Variants in ZNF8 observed in about 807,000 individuals in gnomAD.
ZNF8 encodes zinc finger protein 272.
Under a neutral mutation model 12.2 loss-of-function variants are expected in ZNF8, and 9 were observed. The observed-to-expected ratio is 0.73, with a 90% CI of 0.44 to 1.28. The LOEUF (loss-of-function observed/expected upper bound fraction) is 1.28, where lower values mean the gene tolerates loss of function less well. Among genes scored for constraint, ZNF8 ranks in the 50% most tolerant of loss-of-function variants. The pLI, the probability that ZNF8 is intolerant of heterozygous loss-of-function variation, is 0.00. For synonymous variants in ZNF8, 274 were observed against 282.3 expected (o/e 0.97, Z 0.30); for missense variants, 664 against 729.1 (o/e 0.91, Z 1.03).
intron 2 of ZNF8, 53 bp from the exon 3 acceptor site, chr19:58,286,054 CTTG>C (rs2051381176): frequency 3.8e-6 from 6 of 1,563,220 alleles, no homozygotes; most frequent in East Asian, 2.3e-5. Flanking sequence ...GGAGCCTGGG[CTTG>C]TTGTTTCTCT....
chr19:58,279,284 G>A, intron 1 of ZNF8, 137 bp downstream of exon 1: 39 of 1,521,068 alleles, frequency 2.6e-5, no homozygotes, highest in Non-Finnish European at 3.3e-5. Flanking sequence ...TCAGACGCGG[G>A]TCGGGGCGTG....
At chr19:58,283,206 G>A (rs974783809) in intron 1 of ZNF8, among the ~76,000 whole-genome samples, 1 of 150,852 alleles carries the variant, frequency 6.6e-6, no homozygotes, top group African/African-American at 2.4e-5. Flanking sequence ...TCCTGGACTC[G>A]AGTGATCTGC....
In ZNF8 at chr19:58,280,228, A is replaced by AT. The variant is rs1466057243; in HGVS notation, c.66+1082dup. 4.2e-5 allele frequency: 10 copies of AT among 239,642 alleles called. No individual in the cohort carries two copies. The Admixed American group carries it at 5.4e-4, about 13-fold the overall frequency. The allele number at this position is 239,642 out of a possible 1,614,324, so 14.8% of individuals were successfully genotyped here. ...ATGAAGTTACAGTGAAGATGTCAGCATAGCTGTTGTCACCTGAGACCTGAG... is the reference window on the plus strand; with the variant it reads ...ATGAAGTTACAGTGAAGATGTCAGCATTAGCTGTTGTCACCTGAGACCTGAG... On this transcript the variant is annotated intron_variant, in intron 1 of 3. Coordinates refer to ENST00000621650, the MANE Select transcript of ZNF8 (RefSeq NM_021089.3).
At position 58,301,832 on chromosome 19, in the gene ZNF8, C is replaced by T. The variant is rs769018022; in HGVS notation, c.*6296C>T. ...GGGCAGTTTATCAGTCACTAAATTA[C>T]AAATACATAAACCCTTTGTCTCACC... On this transcript the variant is annotated 3_prime_UTR_variant, in exon 4 of 4. Transcript: ENST00000621650. The T allele has an allele frequency of 6.6e-6, 1 of 152,168 alleles. No individual in the cohort carries two copies. The highest frequency in any genetic ancestry group is 2.4e-5 in the African/African-American group (1 of 41,432). The allele number at this position is 152,168 out of a possible 1,614,324, so 9.4% of individuals were successfully genotyped here.
At chr19:58,282,345 A>T (rs1428703170) in intron 1 of ZNF8, among the ~76,000 whole-genome samples, 1 of 152,102 alleles carries the variant, frequency 6.6e-6, no homozygotes, top group Non-Finnish European at 1.5e-5. Flanking sequence ...TCTTTTTATT[A>T]CTGAGTTGTA....
intron 3 of ZNF8, among the ~76,000 whole-genome samples, chr19:58,290,414 A>G (rs2051412679): frequency 6.6e-6 from 1 of 152,012 alleles, no homozygotes; most frequent in Admixed American, 6.6e-5. Flanking sequence ...GCGCCCGGCC[A>G]TCAAGATTCT....
Position 58,302,194 on chromosome 19 carries a change from C to A in ZNF8, c.*6658C>A, listed in dbSNP as rs557868051. ...TTTTGAAACAGATAAGAAACTCCTC[C>A]GTGGAAATTACTGTTAACTAGGGAA... On this transcript the variant is annotated 3_prime_UTR_variant, in exon 4 of 4. Transcript: ENST00000621650. 6.6e-6 allele frequency: 1 copy of A among 152,068 alleles called. No homozygotes were observed. The highest frequency in any genetic ancestry group is 2.4e-5 in the African/African-American group (1 of 41,388). 9.4% of individuals were successfully genotyped at this position (152,068 alleles called of 1,614,324 possible).
At chr19:58,281,165 G>A (rs994789390) in intron 1 of ZNF8, among the ~76,000 whole-genome samples, 21 of 152,154 alleles carry the variant, frequency 1.4e-4, no homozygotes, top group Non-Finnish European at 2.1e-4. Flanking sequence ...AGCCATTCAC[G>A]TGTTTTAAGC....
At chr19:58,282,397 A>G (rs1240036081) in intron 1 of ZNF8, among the ~76,000 whole-genome samples, 1 of 152,190 alleles carries the variant, frequency 6.6e-6, no homozygotes, top group East Asian at 1.9e-4. Context: ...CTTATCAGAT[A>G]TGTGATTCCC....
Position 58,298,367 on chromosome 19 carries a change from C to T in ZNF8, c.*2831C>T, listed in dbSNP as rs972310818. 3 of 151,826 alleles carry T rather than the reference C, an allele frequency of 2.0e-5. No homozygotes were observed. Among genetic ancestry groups the T allele is most frequent in the African/African-American group, 4.9e-5 (2 of 41,194 alleles). The allele number at this position is 151,826 out of a possible 1,614,324, so 9.4% of individuals were successfully genotyped here. The stretch of plus-strand genomic sequence containing the variant: ...TGAGATGGAGTATTGCTCTGTCGCC[C>T]AGGCTGGAGTGCAGTGGCACAATCT... On this transcript the variant is annotated 3_prime_UTR_variant, in exon 4 of 4. Transcript: ENST00000621650.
rs1403947000 is a variant in ZNF8, at chr19:58,300,664, G to C, written c.*5128G>C. On this transcript the variant is annotated 3_prime_UTR_variant, in exon 4 of 4. Coordinates refer to ENST00000621650, the MANE Select transcript of ZNF8 (RefSeq NM_021089.3). ...CTTCAAGCTCTTGGGAGAATTGCTT[G>C]TGCTCCCTATTCCCTTGGTGGATGA... 6.6e-6 allele frequency: 1 copy of C among 151,954 alleles called. No homozygotes were observed. The highest frequency in any genetic ancestry group is 2.4e-5 in the African/African-American group (1 of 41,284). The allele number at this position is 151,954 out of a possible 1,614,324, so 9.4% of individuals were successfully genotyped here. A position where few individuals can be genotyped will look rare whatever the true frequency, so the allele number is the denominator to read the frequency against.
At position 58,294,009 on chromosome 19, in the gene ZNF8, A is replaced by G; in HGVS notation, c.290-89A>G. The G allele has an allele frequency of 7.9e-7, 1 of 1,273,478 alleles. No homozygotes were observed. Among genetic ancestry groups the G allele is most frequent in the Non-Finnish European group, 1.1e-6 (1 of 916,046 alleles). The allele number at this position is 1,273,478 out of a possible 1,614,324, so 78.9% of individuals were successfully genotyped here. A position where few individuals can be genotyped will look rare whatever the true frequency, so the allele number is the denominator to read the frequency against. On this transcript the variant is annotated intron_variant, in intron 3 of 3. Coordinates refer to ENST00000621650, the MANE Select transcript of ZNF8 (RefSeq NM_021089.3). This position sits in a 1 kb window ranked among gnomAD's most constrained non-coding sequence, Gnocchi z 5.5. The stretch of plus-strand genomic sequence containing the variant: ...TGCCAGGGCAGCTGGTTAGGACCCC[A>G]TTTCAATATCAGGCCTATGGTGTTG...
In ZNF8 at chr19:58,295,887, G is replaced by A. The variant is rs1437363290; in HGVS notation, c.*351G>A. The A allele has an allele frequency of 1.8e-5, 4 of 226,730 alleles. No homozygotes were observed. Among genetic ancestry groups the A allele is most frequent in the East Asian group, 1.1e-4 (1 of 9,040 alleles). 14.0% of individuals were successfully genotyped at this position (226,730 alleles called of 1,614,324 possible). A position where few individuals can be genotyped will look rare whatever the true frequency, so the allele number is the denominator to read the frequency against. Reference sequence around the variant, plus strand: ...GGTAGAGTAAATTGTAGAGTAACGTGTACTGACTTGGTGCAGTATTTCTCC... The same window carrying A: ...GGTAGAGTAAATTGTAGAGTAACGTATACTGACTTGGTGCAGTATTTCTCC... On this transcript the variant is annotated 3_prime_UTR_variant, in exon 4 of 4. Coordinates refer to ENST00000621650, the MANE Select transcript of ZNF8 (RefSeq NM_021089.3).
Position 58,300,502 on chromosome 19 carries a change from CA to C in ZNF8, c.*4967del, listed in dbSNP as rs1568530076. The C allele has an allele frequency of 6.6e-6, 1 of 152,298 alleles. No individual in the cohort carries two copies. The highest frequency in any genetic ancestry group is 1.9e-4 in the East Asian group (1 of 5,200). 9.4% of individuals were successfully genotyped at this position (152,298 alleles called of 1,614,324 possible). A position where few individuals can be genotyped will look rare whatever the true frequency, so the allele number is the denominator to read the frequency against. ...TTAGTCTCACTGGCCACAGATGGGT[CA>C]GGGGGCCACCCCTAATAACAACGGG... On this transcript the variant is annotated 3_prime_UTR_variant, in exon 4 of 4. Transcript: ENST00000621650.
rs1398984884 is a variant in ZNF8 at position 58,297,526 on chromosome 19, A to T, written c.*1990A>T. 1 of 151,164 alleles carries T rather than the reference A, an allele frequency of 6.6e-6. No individual in the cohort carries two copies. Among genetic ancestry groups the T allele is most frequent in the Non-Finnish European group, 1.5e-5 (1 of 67,874 alleles). 9.4% of individuals were successfully genotyped at this position (151,164 alleles called of 1,614,324 possible). On this transcript the variant is annotated 3_prime_UTR_variant, in exon 4 of 4. Coordinates refer to ENST00000621650, the MANE Select transcript of ZNF8 (RefSeq NM_021089.3). ...CCTCCTGGGCTCAAGTGATCCTCCC[A>T]CCCCAGCCTCCCAAGTAGCTGGGAC... is the stretch of plus-strand genomic sequence containing the variant.
Position 58,298,813 on chromosome 19 carries a change from A to G in ZNF8, c.*3277A>G, listed in dbSNP as rs2058729365. Reference sequence around the variant, plus strand: ...ATCATAATCTAAACAAGATCCACACAGTGCATTTGGTTGGAATTTTTCTTT... The same window carrying G: ...ATCATAATCTAAACAAGATCCACACGGTGCATTTGGTTGGAATTTTTCTTT... On this transcript the variant is annotated 3_prime_UTR_variant, in exon 4 of 4. Coordinates refer to ENST00000621650, the MANE Select transcript of ZNF8 (RefSeq NM_021089.3). 1 of 151,014 alleles carries G rather than the reference A, an allele frequency of 6.6e-6. No individual in the cohort carries two copies. The highest frequency in any genetic ancestry group is 2.4e-5 in the African/African-American group (1 of 40,970). 9.4% of individuals were successfully genotyped at this position (151,014 alleles called of 1,614,324 possible).
chr19:58,286,687 G>T (rs1048653449), intron 3 of ZNF8: 1 of 152,984 alleles, frequency 6.5e-6, no homozygotes, highest in African/African-American at 2.4e-5. Flanking sequence ...ATCAGTTAGG[G>T]TTGTGGGAAC....
chr19:58,283,584 T>A (rs1404428894), intron 1 of ZNF8, among the ~76,000 whole-genome samples: 1 of 150,044 alleles, frequency 6.7e-6, no homozygotes, highest in Admixed American at 6.7e-5. Context: ...CCTTCAGAAC[T>A]GTAAGAAATA....
chr19:58,294,633 C>T lies in ZNF8; in HGVS notation c.825C>T (p.His275=), dbSNP rs143787480. 3 of 1,614,026 alleles carry T rather than the reference C, an allele frequency of 1.9e-6. No individual in the cohort carries two copies. In the African/African-American group the frequency reaches 4.0e-5, roughly 22 times the overall value. Residue 275 remains histidine (H), a synonymous_variant, in exon 4 of 4, where the codon CAC becomes CAT. Coordinates refer to ENST00000621650, the MANE Select transcript of ZNF8 (RefSeq NM_021089.3). The surrounding 1 kb of genome is among the most constrained non-coding windows in gnomAD (Gnocchi z 5.5). The stretch of plus-strand genomic sequence containing the variant: ...ACCATAACGCACACCTCACCGTGCA[C>T]AAGAGGATTCATACGGGAGAAAGAC... ...SFNHNAHLTV[H]KRIHTGERPY... is the part of the protein sequence containing the mutation.
Sources: gnomAD v4.1 joint callset for allele counts (sites outside exome capture counted in the v4.1 genomes callset) on GRCh38, gnomAD v4.1.1 for gene constraint, Gnocchi (gnomAD v3.1) non-coding constraint, MANE v1.5 for transcripts, NCBI Gene and HGNC (gene_info 2026-07-23, HGNC 2026-07-21) for gene names.